The following MAOA variants were observed in gnomAD, a reference collection of about 807,000 sequenced individuals.
MAOA encodes the protein monoamine oxidase A.
MAOA carries 6 observed loss-of-function variants against 42.0 expected under a neutral mutation model. The observed-to-expected ratio is 0.14, with a 90% CI of 0.08 to 0.28. The LOEUF (loss-of-function observed/expected upper bound fraction) is 0.28. Among genes scored for constraint, MAOA ranks in the 10% least tolerant of loss-of-function variants. The probability of loss-of-function intolerance (pLI) is 1.00; values close to 1 mark genes in which losing one functional copy is unlikely to be tolerated. For missense variants in MAOA, 262 were observed against 422.3 expected (o/e 0.62, Z 3.33); for synonymous variants, 140 against 154.0 (o/e 0.91, Z 0.67).
intron 3 of MAOA, among the ~76,000 whole-genome samples, chrX:43,701,868 G>A (rs1245530520): frequency 2.7e-5 from 3 of 112,084 alleles, no homozygotes; most frequent in Non-Finnish European, 5.6e-5. Flanking sequence ...TTAAAATGTA[G>A]TTGCCTCTCA....
intron 1 of MAOA, among the ~76,000 whole-genome samples, chrX:43,672,124 A>G (rs941076393): frequency 1.8e-5 from 2 of 111,477 alleles, no homozygotes; most frequent in African/African-American, 6.5e-5. Context: ...TTCATTGAGC[A>G]GTGGTTTGTA....
chrX:43,744,668 C>A lies in MAOA; in HGVS notation c.*155C>A. The A allele has an allele frequency of 1.8e-6, 1 of 559,883 alleles. No individual in the cohort carries two copies. The highest frequency in any genetic ancestry group is 2.3e-5 in the African/African-American group (1 of 43,934). 46.1% of individuals were successfully genotyped at this position (559,883 alleles called of 1,213,427 possible). A position where few individuals can be genotyped will look rare whatever the true frequency, so the allele number is the denominator to read the frequency against. On this transcript the variant is annotated 3_prime_UTR_variant, in exon 15 of 15. Transcript: ENST00000338702. The stretch of plus-strand genomic sequence containing the variant: ...AATCATTGTTAAAGTAAAAACAATT[C>A]AAAGAATCACCTAATTAATTTCAGT...
chrX:43,737,158 C>T (rs2033925884), intron 10 of MAOA, among the ~76,000 whole-genome samples: 1 of 110,878 alleles, frequency 9.0e-6, no homozygotes, highest in African/African-American at 3.3e-5. Context: ...AAGAAACTCC[C>T]AGTTTCAATT....
chrX:43,709,387 T>C (rs1310985186), intron 3 of MAOA, among the ~76,000 whole-genome samples: 2 of 111,169 alleles, frequency 1.8e-5, no homozygotes, highest in African/African-American at 6.5e-5. Context: ...CTTTTCTTTA[T>C]GTTCCCAGAC....
intron 5 of MAOA, among the ~76,000 whole-genome samples, chrX:43,724,239 A>C (rs1276634664): frequency 8.9e-6 from 1 of 111,753 alleles, no homozygotes; most frequent in Admixed American, 9.5e-5. Flanking sequence ...TGATTGGAAT[A>C]GTTTCAGAAG....
intron 3 of MAOA, among the ~76,000 whole-genome samples, chrX:43,699,515 T>G (rs1453980674): frequency 9.0e-6 from 1 of 111,444 alleles, no homozygotes; most frequent in East Asian, 2.8e-4. Flanking sequence ...ACGTTCTTCC[T>G]GCTTTTCACG....
intron 1 of MAOA, among the ~76,000 whole-genome samples, chrX:43,668,253 G>C (rs1328589943): frequency 8.9e-6 from 1 of 112,123 alleles, no homozygotes; most frequent in Non-Finnish European, 1.9e-5. Flanking sequence ...ATTTTTCATT[G>C]AAAGGCATTT....
chrX:43,732,169 G>A (rs1214701601), intron 8 of MAOA, among the ~76,000 whole-genome samples: 2 of 111,653 alleles, frequency 1.8e-5, no homozygotes, highest in Non-Finnish European at 3.8e-5. Flanking sequence ...AGAGCACTGC[G>A]TTGAAGTTAC....
chrX:43,723,925 C>T (rs2033811582), intron 5 of MAOA, among the ~76,000 whole-genome samples: 1 of 111,503 alleles, frequency 9.0e-6, no homozygotes, highest in African/African-American at 3.3e-5. Context: ...TTTTCTGCAT[C>T]TATTGAGATA....
Position 43,711,897 on chromosome X carries a change from C to T in MAOA, c.332C>T (p.Ala111Val). Residue 111 changes from alanine (A) to valine (V), a missense_variant, in exon 4 of 15, where the codon GCC becomes GTC. By Grantham distance (64) the Ala-to-Val change is moderately conservative (BLOSUM62 0). This residue lies in a region of MAOA where 141 missense variants were observed against 195.6 expected (regional missense o/e 0.72). Transcript: ENST00000338702. ...GGGAAAACATATCCATTTCGGGGCG[C>T]CTTTCCACCAGTATGGAATCCCATT... ...VKGKTYPFRG[A>V]FPPVWNPIAY... 8.3e-7 allele frequency: 1 copy of T among 1,206,924 alleles called. No individual in the cohort carries two copies. Among genetic ancestry groups the T allele is most frequent in the Non-Finnish European group, 1.1e-6 (1 of 891,436 alleles).
chrX:43,707,308 C>A (rs1318737035), intron 3 of MAOA, among the ~76,000 whole-genome samples: 1 of 111,073 alleles, frequency 9.0e-6, no homozygotes, highest in Non-Finnish European at 1.9e-5. Context: ...TGGATACATC[C>A]CTTCATATCT....
chrX:43,705,884 G>A (rs1337048143), intron 3 of MAOA, among the ~76,000 whole-genome samples: 1 of 112,092 alleles, frequency 8.9e-6, no homozygotes, highest in Non-Finnish European at 1.9e-5. Flanking sequence ...AGTTATTAGG[G>A]AAATGCAAGT....
At chrX:43,677,913 T>C (rs2033413684) in intron 1 of MAOA, among the ~76,000 whole-genome samples, 1 of 111,685 alleles carries the variant, frequency 9.0e-6, no homozygotes, top group Non-Finnish European at 1.9e-5. Flanking sequence ...TAGTGTTCAC[T>C]TAGACCTCTT....
chrX:43,738,884 T>C (rs2033940716), intron 10 of MAOA, among the ~76,000 whole-genome samples: 1 of 111,976 alleles, frequency 8.9e-6, no homozygotes, highest in African/African-American at 3.2e-5. Flanking sequence ...TCATTGCCGA[T>C]ACTTTCATTT....
In MAOA at chrX:43,746,001, T is replaced by C. The variant is rs757187486; in HGVS notation, c.*1488T>C. 2 of 111,940 alleles carry C rather than the reference T, an allele frequency of 1.8e-5. No individual in the cohort carries two copies. The highest frequency in any genetic ancestry group is 3.8e-5 in the Non-Finnish European group (2 of 53,238). The allele number at this position is 111,940 out of a possible 1,213,427, so 9.2% of individuals were successfully genotyped here. The stretch of plus-strand genomic sequence containing the variant: ...CCTAAGAGCTGCATTTTTCTACTGC[T>C]CTTTACCTTGCATTTTAGCTAATTT... On this transcript the variant is annotated 3_prime_UTR_variant, in exon 15 of 15. Transcript: ENST00000338702.
At chrX:43,706,078 AAAG>A (rs1797959977) in intron 3 of MAOA, among the ~76,000 whole-genome samples, 1 of 112,383 alleles carries the variant, frequency 8.9e-6, no homozygotes, top group South Asian at 3.7e-4. Context: ...AGTGTCAGAG[AAAG>A]AAGAGTGACT....
chrX:43,668,373 G>T (rs2033300373), intron 1 of MAOA, among the ~76,000 whole-genome samples: 1 of 111,885 alleles, frequency 8.9e-6, no homozygotes, highest in African/African-American at 3.2e-5. Context: ...TTGAAGAAAT[G>T]AACTCTTTGT....
At chrX:43,686,497 C>T (rs1033375706) in intron 2 of MAOA, among the ~76,000 whole-genome samples, 1 of 112,631 alleles carries the variant, frequency 8.9e-6, no homozygotes, top group African/African-American at 3.2e-5. Context: ...AGAAAGAGGG[C>T]TTTAAGAAAC....
At position 43,728,158 on chromosome X, in the gene MAOA, T is replaced by C; in HGVS notation, c.504-15T>C. 4 of 1,208,097 alleles carry C rather than the reference T, an allele frequency of 3.3e-6. No homozygotes were observed. Among genetic ancestry groups the C allele is most frequent in the Non-Finnish European group, 4.5e-6 (4 of 891,987 alleles). ...ACATATTGACACCTGACTTCCACTT[T>C]TGTTCTATGAACAGGACTGCTAGGC... On this transcript the variant is annotated splice_polypyrimidine_tract_variant and intron_variant, in intron 5 of 14. Transcript: ENST00000338702.
Sources: allele counts gnomAD v4.1 joint callset (sites outside exome capture counted in the v4.1 genomes callset), GRCh38; gene constraint gnomAD v4.1.1; regional missense constraint gnomAD v4.1.1; transcripts MANE v1.5; gene names NCBI Gene and HGNC (gene_info 2026-07-23, HGNC 2026-07-21).